The following COL4A3 variants were observed in gnomAD, a reference collection of about 807,000 sequenced individuals.
The protein encoded by COL4A3 is collagen type IV alpha 3 chain, also known as collagen alpha-3(IV) chain.
A neutral mutation model predicts 217.4 loss-of-function variants in COL4A3; 135 were observed. The observed-to-expected ratio is 0.62, with a 90% CI of 0.54 to 0.72. The LOEUF (loss-of-function observed/expected upper bound fraction) is 0.72, where lower values mean the gene tolerates loss of function less well. Ranked by LOEUF, COL4A3 falls within the 30% of genes least tolerant of loss-of-function variation. The probability of loss-of-function intolerance (pLI) is 0.00; values close to 1 mark genes in which losing one functional copy is unlikely to be tolerated. For missense variants in COL4A3, 1,868 were observed against 2,119.9 expected (o/e 0.88, Z 2.33); for synonymous variants, 690 against 736.3 (o/e 0.94, Z 1.02).
At chr2:227,305,362 C>G (rs2073458377) in intron 47 of COL4A3, 1 of 389,644 alleles carries the variant, frequency 2.6e-6, no homozygotes, top group Admixed American at 3.6e-5. Flanking sequence ...GGTGTTCTTT[C>G]AAAAAGGCCA....
At chr2:227,221,733 T>G (rs2067797123) in intron 1 of COL4A3, among the ~76,000 whole-genome samples, 1 of 152,224 alleles carries the variant, frequency 6.6e-6, no homozygotes, top group African/African-American at 2.4e-5. Context: ...TCTATTGTTT[T>G]CTTCCCCCTG....
At chr2:227,302,677 CA>C (rs56065709) in intron 43 of COL4A3, among the ~76,000 whole-genome samples, 3,222 of 78,772 alleles carry the variant, frequency 0.041, 23 homozygotes, top group Non-Finnish European at 0.046. Flanking sequence ...ACTCTTTCTC[CA>C]AAAAAAAAAA....
At chr2:227,274,189 A>G (rs1385444637) in intron 26 of COL4A3, among the ~76,000 whole-genome samples, 1 of 152,032 alleles carries the variant, frequency 6.6e-6, no homozygotes, top group Non-Finnish European at 1.5e-5. Flanking sequence ...GTGAGCCAAG[A>G]TCGTGCTACT....
At chr2:227,260,978 C>T (rs2070520393) in intron 19 of COL4A3, 104 bp from the exon 20 acceptor site, 9 of 919,672 alleles carry the variant, frequency 9.8e-6, no homozygotes, top group African/African-American at 1.6e-5. Flanking sequence ...AGTATGAAAA[C>T]TCTGTATTAT....
chr2:227,218,088 A>G (rs1442531889), intron 1 of COL4A3, among the ~76,000 whole-genome samples: 1 of 137,706 alleles, frequency 7.3e-6, no homozygotes, highest in Non-Finnish European at 1.6e-5. Flanking sequence ...AGCTATATAT[A>G]TATATATATA....
intron 14 of COL4A3, 138 bp from the exon 15 acceptor site, chr2:227,254,518 A>C (rs1203816240): frequency 2.5e-5 from 19 of 758,436 alleles, no homozygotes; most frequent in African/African-American, 8.8e-5. Context: ...TTCATCAATA[A>C]GATTTCTCTC....
At chr2:227,177,369 A>T (rs112159856) in intron 1 of COL4A3, among the ~76,000 whole-genome samples, 18,863 of 151,570 alleles carry the variant, frequency 0.12, 1,511 homozygotes, top group Middle Eastern at 0.21. Flanking sequence ...GTTAGCCAGG[A>T]TGGTCTCAAT....
chr2:227,272,037 T>C (rs191599049), intron 25 of COL4A3, among the ~76,000 whole-genome samples: 2 of 152,332 alleles, frequency 1.3e-5, no homozygotes, highest in African/African-American at 4.8e-5. Flanking sequence ...AGCTATCTGG[T>C]CTTTCCTAAA....
chr2:227,195,877 G>A (rs1201742258), intron 1 of COL4A3, among the ~76,000 whole-genome samples: 1 of 148,558 alleles, frequency 6.7e-6, no homozygotes, highest in Non-Finnish European at 1.5e-5. Flanking sequence ...TATAGGCCTA[G>A]GCTAATGTGT....
At chr2:227,260,997 A>G (rs913850643) in intron 19 of COL4A3, 85 bp from the exon 20 acceptor site, 1 of 1,029,684 alleles carries the variant, frequency 9.7e-7, no homozygotes, top group East Asian at 2.4e-5. Context: ...ATTAACTATC[A>G]GTATATTGTC....
chr2:227,229,624 C>A (rs76858582), intron 1 of COL4A3, among the ~76,000 whole-genome samples: 2 of 152,126 alleles, frequency 1.3e-5, no homozygotes, highest in South Asian at 2.1e-4. Flanking sequence ...AAAGGGGAGT[C>A]CCCCAGTGAC....
rs959632486 is a variant in COL4A3 at position 227,286,402 on chromosome 2, T to C, written c.2881+2057T>C. Among the ~76,000 whole-genome samples the C allele has an allele frequency of 4.6e-5, 7 of 152,204 alleles. No individual in the cohort carries two copies. The East Asian group carries it at 5.8e-4, about 13-fold the overall frequency. On this transcript the variant is annotated intron_variant, in intron 34 of 51. Coordinates refer to ENST00000396578, the MANE Select transcript of COL4A3 (RefSeq NM_000091.5). ...TCCAGCTAGTCAGGAGGCTGAGGCA[T>C]GAGAATCGCTTGAACCTGAGAGGCA...
In COL4A3 at chr2:227,253,335, C is replaced by T. The variant is rs759074046; in HGVS notation, c.685C>T (p.Arg229Trp). The change falls in exon 12 of 52, where the codon CGG becomes TGG. Residue 229 changes from arginine (R) to tryptophan (W), a missense_variant and splice_region_variant. Physicochemically the swap from Arg to Trp is moderately radical, Grantham distance 101. This residue lies in a region of COL4A3 where 365 missense variants were observed against 333.8 expected (regional missense o/e 1.09). Transcript: ENST00000396578. This position sits in a 1 kb window ranked among gnomAD's most constrained non-coding sequence, Gnocchi z 4.4. ...AAGAGTGATAGGACATAAAGGAGAG[C>T]GGGTAATTTAAATACTATGTTTTAT... ...GERVIGHKGE[R>W]GVKGLTGPPG... 75 of 1,613,252 alleles carry T rather than the reference C, an allele frequency of 4.6e-5. No individual in the cohort carries two copies. The highest frequency in any genetic ancestry group is 3.3e-4 in the African/African-American group (25 of 74,872).
intron 1 of COL4A3, among the ~76,000 whole-genome samples, chr2:227,207,667 G>T (rs542520169): frequency 6.6e-6 from 1 of 152,298 alleles, no homozygotes; most frequent in Non-Finnish European, 1.5e-5. Flanking sequence ...TATCTACCGG[G>T]CATTGGAGCT....
chr2:227,252,084 A>C (rs574601949), intron 11 of COL4A3, among the ~76,000 whole-genome samples: 1 of 150,160 alleles, frequency 6.7e-6, no homozygotes, highest in East Asian at 1.9e-4. Flanking sequence ...AAAAAAAAAA[A>C]AAAAAAACAG....
At chr2:227,220,087 T>C (rs2067701851) in intron 1 of COL4A3, among the ~76,000 whole-genome samples, 1 of 151,746 alleles carries the variant, frequency 6.6e-6, no homozygotes, top group African/African-American at 2.4e-5. Flanking sequence ...ATTTCCACAA[T>C]GATTCTTCCA....
At chr2:227,210,032 ATT>A (rs1429550307) in intron 1 of COL4A3, among the ~76,000 whole-genome samples, 1 of 152,178 alleles carries the variant, frequency 6.6e-6, no homozygotes, top group Non-Finnish European at 1.5e-5. Context: ...CACTTATAAG[ATT>A]GTAAAGATCT....
intron 15 of COL4A3, 41 bp from the exon 16 acceptor site, chr2:227,255,985 T>C (rs746110897): frequency 6.8e-5 from 108 of 1,597,280 alleles, no homozygotes; most frequent in Non-Finnish European, 4.5e-5. Context: ...AAGTTAGCCA[T>C]ATTTATTACA....
At chr2:227,271,069 A>C in intron 25 of COL4A3, 117 bp downstream of exon 25, 1 of 864,526 alleles carries the variant, frequency 1.2e-6, no homozygotes, top group Non-Finnish European at 1.9e-6. Context: ...CTCTAACTGC[A>C]GAATGAAACA....
Sources: allele counts gnomAD v4.1 joint callset (sites outside exome capture counted in the v4.1 genomes callset), GRCh38; gene constraint gnomAD v4.1.1; regional missense constraint gnomAD v4.1.1; non-coding constraint Gnocchi (gnomAD v3.1); transcripts MANE v1.5; gene names NCBI Gene and HGNC (gene_info 2026-07-23, HGNC 2026-07-21).